Variants in APCDD1L observed in about 807,000 individuals in gnomAD.
APCDD1L encodes the protein protein APCDD1-like.
APCDD1L carries 21 observed loss-of-function variants against 24.2 expected under a neutral mutation model. The ratio of observed to expected loss-of-function variants is 0.87; its 90% CI spans 0.61 to 1.25. The LOEUF (loss-of-function observed/expected upper bound fraction) is 1.25. Among genes scored for constraint, APCDD1L ranks in the 50% most tolerant of loss-of-function variants. The pLI, the probability that APCDD1L is intolerant of heterozygous loss-of-function variation, is 0.00. For synonymous variants in APCDD1L, 321 were observed against 323.6 expected, an observed-to-expected ratio of 0.99 and a Z score of 0.09; for missense variants, 704 against 711.7, an observed-to-expected ratio of 0.99 and a Z score of 0.12.
chr20:58,490,565 TC>T (rs1990206079), intron 1 of APCDD1L, among the ~76,000 whole-genome samples: 1 of 152,148 alleles, frequency 6.6e-6, no homozygotes, highest in African/African-American at 2.4e-5. Context: ...TGTAAGCTGA[TC>T]CCCCAAGTGC....
chr20:58,488,723 C>G (rs1412785452), intron 1 of APCDD1L, among the ~76,000 whole-genome samples: 1 of 152,144 alleles, frequency 6.6e-6, no homozygotes, highest in Admixed American at 6.5e-5. Flanking sequence ...GCAGATAAAT[C>G]AATACTTCGA....
At chr20:58,507,405 A>G (rs1990543154) in intron 1 of APCDD1L, among the ~76,000 whole-genome samples, 1 of 152,182 alleles carries the variant, frequency 6.6e-6, no homozygotes. Flanking sequence ...GGATGAAATG[A>G]AGTAATGTGC....
intron 1 of APCDD1L, among the ~76,000 whole-genome samples, chr20:58,481,365 C>T (rs893739526): frequency 6.6e-6 from 1 of 152,234 alleles, no homozygotes; most frequent in African/African-American, 2.4e-5. Flanking sequence ...TCGTATACAT[C>T]ATGGCGAAGA....
chr20:58,485,038 C>T (rs78523909), intron 1 of APCDD1L, among the ~76,000 whole-genome samples: 2,668 of 151,156 alleles, frequency 0.018, 71 homozygotes, highest in African/African-American at 0.062. Context: ...GATAGTTTTC[C>T]ATCTCAGACT....
At chr20:58,496,292 C>T (rs1990320104) in intron 1 of APCDD1L, among the ~76,000 whole-genome samples, 1 of 152,180 alleles carries the variant, frequency 6.6e-6, no homozygotes. Context: ...CCTGTTGGTG[C>T]CAGGGGGCAC....
intron 1 of APCDD1L, chr20:58,514,039 A>G: frequency 2.7e-6 from 3 of 1,097,062 alleles, no homozygotes; most frequent in African/African-American, 3.3e-5. Context: ...TGTCTACCCT[A>G]CTCCCCACCC....
At chr20:58,510,007 C>A (rs1214723315) in intron 1 of APCDD1L, among the ~76,000 whole-genome samples, 1 of 152,224 alleles carries the variant, frequency 6.6e-6, no homozygotes, top group Admixed American at 6.5e-5. Context: ...CTAAGCTTTG[C>A]ACATACTAGT....
At chr20:58,480,031 G>A (rs1989994344) in intron 1 of APCDD1L, among the ~76,000 whole-genome samples, 1 of 152,174 alleles carries the variant, frequency 6.6e-6, no homozygotes, top group Non-Finnish European at 1.5e-5. Context: ...ATTCTAAGAA[G>A]CCCACCTCCA....
In APCDD1L at chr20:58,460,447, G is replaced by T. The variant is rs1008939904; in HGVS notation, c.*343C>A. The T allele has an allele frequency of 2.4e-5, 5 of 207,798 alleles. No homozygotes were observed. The highest frequency in any genetic ancestry group is 1.1e-4 in the African/African-American group (5 of 43,834). The allele number at this position is 207,798 out of a possible 1,614,324, so 12.9% of individuals were successfully genotyped here. On this transcript the variant is annotated 3_prime_UTR_variant, in exon 4 of 4. Coordinates refer to ENST00000371149, the MANE Select transcript of APCDD1L (RefSeq NM_153360.3). The surrounding 1 kb of genome is among the most constrained non-coding windows in gnomAD (Gnocchi z 4.2). The stretch of plus-strand genomic sequence containing the variant: ...AGAACTGGGGGGAACATGGGATGGG[G>T]GTGTTCCGTGTGGCCCCCTGACTGC...
chr20:58,481,758 G>T (rs913270795), intron 1 of APCDD1L, among the ~76,000 whole-genome samples: 1 of 152,176 alleles, frequency 6.6e-6, no homozygotes, highest in Non-Finnish European at 1.5e-5. Context: ...TCCAGCTGAG[G>T]GTCACCCAGC....
chr20:58,505,640 C>T (rs1378547609), intron 1 of APCDD1L, among the ~76,000 whole-genome samples: 2 of 152,188 alleles, frequency 1.3e-5, no homozygotes, highest in East Asian at 3.9e-4. Context: ...ATCCCACCCA[C>T]CAGAGTGGGC....
At chr20:58,483,389 C>T (rs1002648791) in intron 1 of APCDD1L, among the ~76,000 whole-genome samples, 2 of 152,164 alleles carry the variant, frequency 1.3e-5, no homozygotes, top group African/African-American at 4.8e-5. Flanking sequence ...GTGTTTTCTA[C>T]GCTGGCTGTG....
intron 1 of APCDD1L, among the ~76,000 whole-genome samples, chr20:58,491,075 A>G (rs1028411599): frequency 6.6e-6 from 1 of 152,230 alleles, no homozygotes; most frequent in Non-Finnish European, 1.5e-5. Flanking sequence ...CCCATTCGTA[A>G]TTTAAAAATG....
intron 2 of APCDD1L, among the ~76,000 whole-genome samples, chr20:58,470,235 C>T (rs1441142769): frequency 1.3e-5 from 2 of 152,378 alleles, no homozygotes; most frequent in South Asian, 4.1e-4. Context: ...CTCCAGGTCA[C>T]TTGCTATCAC....
chr20:58,491,699 G>C (rs960751606), intron 1 of APCDD1L, among the ~76,000 whole-genome samples: 1 of 152,106 alleles, frequency 6.6e-6, no homozygotes, highest in Non-Finnish European at 1.5e-5. Context: ...AATCCCAACA[G>C]GTTATCTTAT....
At position 58,461,052 on chromosome 20, in the gene APCDD1L, T is replaced by G. The variant is rs1568731610; in HGVS notation, c.1244A>C (p.Lys415Thr). The part of the protein sequence containing the change: ...RLPHVEYELF[K>T]MEQDPLGQSL... Reference sequence around the variant, plus strand: ...TTGCCCGAGGGGGTCTTGTTCCATCTTGAAAAGCTCGTACTCCACATGCGG... The same window carrying G: ...TTGCCCGAGGGGGTCTTGTTCCATCGTGAAAAGCTCGTACTCCACATGCGG... The change falls in exon 4 of 4, where the codon AAG becomes ACG. Residue 415 changes from lysine (K) to threonine (T), a missense_variant. Transcript: ENST00000371149. The surrounding 1 kb of genome is among the most constrained non-coding windows in gnomAD (Gnocchi z 6.0). 6.2e-7 allele frequency: 1 copy of G among 1,614,106 alleles called. No individual in the cohort carries two copies. The highest frequency in any genetic ancestry group is 8.5e-7 in the Non-Finnish European group (1 of 1,179,994).
Position 58,497,596 on chromosome 20 carries a change from T to C in APCDD1L, c.49+17063A>G, listed in dbSNP as rs1285891794. Among the ~76,000 whole-genome samples, 3 of 152,154 alleles carry C rather than the reference T, an allele frequency of 2.0e-5. No individual in the cohort carries two copies. Among genetic ancestry groups the C allele is most frequent in the Non-Finnish European group, 4.4e-5 (3 of 68,016 alleles). On this transcript the variant is annotated intron_variant, in intron 1 of 3. Coordinates refer to ENST00000371149, the MANE Select transcript of APCDD1L (RefSeq NM_153360.3). The surrounding 1 kb of genome is among the most constrained non-coding windows in gnomAD (Gnocchi z 4.3). ...ACATCGTCTTCCTTCGACGCAGGTC[T>C]GCGTCCAAATATCCCCTTTCTATGA...
chr20:58,470,732 G>A lies in APCDD1L; in HGVS notation c.65C>T (p.Ala22Val), dbSNP rs1273763703. 37 of 1,538,938 alleles carry A rather than the reference G, an allele frequency of 2.4e-5. No individual in the cohort carries two copies. Among genetic ancestry groups the A allele is most frequent in the Middle Eastern group, 2.2e-4 (1 of 4,590 alleles). ...LVLLGAHTAP[A>V]AGEAGGSCLR... ...GCAGCTGCCCCCGGCCTCCCCAGCC[G>A]CCGGTGCAGTGTGGGCTGCAAAGCA... Residue 22 changes from alanine to valine, a missense_variant, in exon 2 of 4, where the codon GCG (alanine) becomes GTG (valine). Ala to Val is a moderately conservative substitution (Grantham distance 64). Transcript: ENST00000371149.
chr20:58,480,512 C>A (rs1990003661), intron 1 of APCDD1L, among the ~76,000 whole-genome samples: 1 of 152,192 alleles, frequency 6.6e-6, no homozygotes, highest in African/African-American at 2.4e-5. Context: ...TTGGTACCAC[C>A]TGGAGAAGGT....
Sources: allele counts gnomAD v4.1 joint callset (sites outside exome capture counted in the v4.1 genomes callset), GRCh38; gene constraint gnomAD v4.1.1; non-coding constraint Gnocchi (gnomAD v3.1); transcripts MANE v1.5; gene names NCBI Gene and HGNC (gene_info 2026-07-23, HGNC 2026-07-21).